Variants in ARHGEF33 observed in about 807,000 individuals in gnomAD.
The protein encoded by ARHGEF33 is Rho guanine nucleotide exchange factor 33.
ARHGEF33 carries 72 observed loss-of-function variants against 101.9 expected under a neutral mutation model. The ratio of observed to expected loss-of-function variants is 0.71; its 90% confidence interval spans 0.58 to 0.86. The LOEUF is 0.86. Among genes scored for constraint, ARHGEF33 ranks in the 40% least tolerant of loss-of-function variants. The probability of loss-of-function intolerance (pLI) is 0.00; values close to 1 mark genes in which losing one functional copy is unlikely to be tolerated. For missense variants in ARHGEF33, 1,169 were observed against 1,111.3 expected (o/e 1.05, Z -0.74); for synonymous variants, 499 against 442.5 (o/e 1.13, Z -1.60).
rs146815537 is a variant in ARHGEF33, at chr2:38,971,839, C to G, written c.2484-1875C>G. 5.6e-4 allele frequency: 404 copies of G among 718,540 alleles called. 2 individuals are homozygous for G. The African/African-American group carries it at 6.3e-3, about 11-fold the overall frequency. 44.5% of individuals were successfully genotyped at this position (718,540 alleles called of 1,614,324 possible). A position where few individuals can be genotyped will look rare whatever the true frequency, so the allele number is the denominator to read the frequency against. On this transcript the variant is annotated intron_variant, in intron 17 of 17. Coordinates refer to ENST00000409978, the MANE Select transcript of ARHGEF33 (RefSeq NM_001145451.5). Reference sequence around the variant, plus strand: ...AAGCTGAGTTTATGGACTTTGAAAACTAGACAGGGCGATTTTGGCATTTGT... The same window carrying G: ...AAGCTGAGTTTATGGACTTTGAAAAGTAGACAGGGCGATTTTGGCATTTGT...
intron 17 of ARHGEF33, among the ~76,000 whole-genome samples, chr2:38,966,355 C>T (rs898491445): frequency 1.1e-4 from 16 of 152,180 alleles, no homozygotes; most frequent in Non-Finnish European, 1.9e-4. Flanking sequence ...TCTGCCCTGC[C>T]TCTTCTGTCT....
chr2:38,951,003 C>G lies in ARHGEF33; in HGVS notation c.935C>G (p.Ser312Cys). ...NSKERSLFPG[S>C]LRYLVQQHLD... ...TCTGTTTCAAGCCTCTTCCCTGGCT[C>G]TTTACGGTACCTCGTCCAGCAGCAC... The change falls in exon 11 of 18, where the codon TCT (serine) becomes TGT (cysteine). Residue 312 changes from serine to cysteine, a missense_variant. Physicochemically the swap from Ser to Cys is moderately radical, Grantham distance 112. Coordinates refer to ENST00000409978, the MANE Select transcript of ARHGEF33 (RefSeq NM_001145451.5). 6.4e-7 allele frequency: 1 copy of G among 1,552,242 alleles called. No individual in the cohort carries two copies. The highest frequency in any genetic ancestry group is 2.4e-5 in the East Asian group (1 of 40,926).
intron 2 of ARHGEF33, among the ~76,000 whole-genome samples, chr2:38,898,811 G>A (rs993443476): frequency 6.6e-6 from 1 of 152,134 alleles, no homozygotes; most frequent in Non-Finnish European, 1.5e-5. Context: ...TAAAGACTTG[G>A]AAGAGTAAAC....
intron 2 of ARHGEF33, among the ~76,000 whole-genome samples, chr2:38,907,981 C>T (rs112442097): frequency 0.049 from 7,494 of 151,542 alleles, 223 homozygotes; most frequent in Middle Eastern, 0.061. Context: ...ACCTCAGCCT[C>T]TCAACTTGCT....
chr2:38,973,954 G>C lies in ARHGEF33; in HGVS notation c.*111G>C. The stretch of plus-strand genomic sequence containing the variant: ...TATCTATATATATATATATATCGAT[G>C]TATAAATCCCTGAGGAAAACTAATA... On this transcript the variant is annotated 3_prime_UTR_variant, in exon 18 of 18. Transcript: ENST00000409978. 1 of 677,894 alleles carries C rather than the reference G, an allele frequency of 1.5e-6. No homozygotes were observed. The highest frequency in any genetic ancestry group is 7.1e-5 in the South Asian group (1 of 14,076). The allele number at this position is 677,894 out of a possible 1,614,324, so 42.0% of individuals were successfully genotyped here. A position where few individuals can be genotyped will look rare whatever the true frequency, so the allele number is the denominator to read the frequency against.
intron 11 of ARHGEF33, among the ~76,000 whole-genome samples, chr2:38,952,844 A>C (rs1382002115): frequency 6.6e-6 from 1 of 152,036 alleles, no homozygotes; most frequent in Non-Finnish European, 1.5e-5. Context: ...GATTAGCGGC[A>C]CCTGCCATCA....
At position 38,966,041 on chromosome 2, in the gene ARHGEF33, C is replaced by G; in HGVS notation, c.2379C>G (p.Pro793=). 8 of 1,551,552 alleles carry G rather than the reference C, an allele frequency of 5.2e-6. No individual in the cohort carries two copies. Among genetic ancestry groups the G allele is most frequent in the Non-Finnish European group, 7.0e-6 (8 of 1,146,950 alleles). Residue 793 remains proline, a synonymous_variant, in exon 17 of 18, where the codon CCC becomes CCG. Coordinates refer to ENST00000409978, the MANE Select transcript of ARHGEF33 (RefSeq NM_001145451.5). ...MHLEDTTRFC[P]KEERESEQTS... The stretch of plus-strand genomic sequence containing the variant: ...TAGAAGATACTACCAGATTCTGTCC[C>G]AAAGAAGAAAGAGAAAGTGAACAAA...
At chr2:38,956,219 T>C (rs1667748780) in intron 13 of ARHGEF33, among the ~76,000 whole-genome samples, 1 of 152,214 alleles carries the variant, frequency 6.6e-6, no homozygotes, top group South Asian at 2.1e-4. Context: ...TTCTACTCTC[T>C]GACTTGAGTT....
chr2:38,913,861 CAAAT>C (rs990972693), intron 2 of ARHGEF33, among the ~76,000 whole-genome samples: 1 of 150,124 alleles, frequency 6.7e-6, no homozygotes, highest in African/African-American at 2.5e-5. Context: ...TTGCATATAA[CAAAT>C]AAACAGTTAA....
At chr2:38,929,588 T>C (rs1666947944) in intron 5 of ARHGEF33, 121 bp from the exon 6 acceptor site, 2 of 770,636 alleles carry the variant, frequency 2.6e-6, no homozygotes, top group Non-Finnish European at 3.7e-6. Context: ...AATTTTTTAA[T>C]CTCTCATTCA....
At chr2:38,956,774 T>A in intron 13 of ARHGEF33, 125 bp from the exon 14 acceptor site, 1 of 1,174,330 alleles carries the variant, frequency 8.5e-7, no homozygotes, top group Non-Finnish European at 1.2e-6. Context: ...GGGTCATGTG[T>A]ATTGTTCATT....
chr2:38,944,795 G>C (rs1156832796), intron 10 of ARHGEF33, among the ~76,000 whole-genome samples: 1 of 152,060 alleles, frequency 6.6e-6, no homozygotes, highest in Non-Finnish European at 1.5e-5. Context: ...GGCCATTAGA[G>C]AAATGACACA....
At chr2:38,903,647 T>A (rs534943220) in intron 2 of ARHGEF33, among the ~76,000 whole-genome samples, 1 of 152,278 alleles carries the variant, frequency 6.6e-6, no homozygotes, top group East Asian at 1.9e-4. Context: ...TGCTTCTAAA[T>A]TTTAAACACT....
At chr2:38,961,796 T>A (rs1667949734) in intron 16 of ARHGEF33, among the ~76,000 whole-genome samples, 1 of 151,304 alleles carries the variant, frequency 6.6e-6, no homozygotes, top group Non-Finnish European at 1.5e-5. Context: ...ACCTTTGGGG[T>A]CATGGTGGTC....
chr2:38,944,733 G>C (rs1667398292), intron 10 of ARHGEF33, among the ~76,000 whole-genome samples: 2 of 152,166 alleles, frequency 1.3e-5, no homozygotes, highest in African/African-American at 4.8e-5. Context: ...ATGGGTCACA[G>C]GTCTCTTAGA....
chr2:38,947,490 A>T (rs1256313818), intron 10 of ARHGEF33, among the ~76,000 whole-genome samples: 1 of 152,186 alleles, frequency 6.6e-6, no homozygotes, highest in Non-Finnish European at 1.5e-5. Flanking sequence ...TCTGGGCTCA[A>T]GTGATCCTCC....
Position 38,968,874 on chromosome 2 carries a change from G to A in ARHGEF33, c.2483+2729G>A, listed in dbSNP as rs146962220. The stretch of plus-strand genomic sequence containing the variant: ...CTTTGGAGACTTTGCATGGGTTGAA[G>A]AGGCAGCTTAAGTAGCGTTTTCTGA... On this transcript the variant is annotated intron_variant, in intron 17 of 17. Transcript: ENST00000409978. Among the ~76,000 whole-genome samples, 340 of 152,326 alleles carry A rather than the reference G, an allele frequency of 2.2e-3. 2 individuals are homozygous for A. Among genetic ancestry groups the A allele is most frequent in the African/African-American group, 7.9e-3 (330 of 41,576 alleles).
chr2:38,945,940 C>T (rs999810408), intron 10 of ARHGEF33, among the ~76,000 whole-genome samples: 6 of 152,304 alleles, frequency 3.9e-5, no homozygotes, highest in Admixed American at 2.0e-4. Flanking sequence ...GCCTGCCGGA[C>T]CCTGTAGTGT....
Sources: allele counts gnomAD v4.1 joint callset (sites outside exome capture counted in the v4.1 genomes callset), GRCh38; gene constraint gnomAD v4.1.1; transcripts MANE v1.5; gene names NCBI Gene and HGNC (gene_info 2026-07-23, HGNC 2026-07-21).